Variants in ENOX1 observed in about 807,000 individuals in gnomAD.
ENOX1 encodes the protein candidate growth-related and time keeping constitutive hydroquinone (NADH) oxidase.
A neutral mutation model predicts 82.5 loss-of-function variants in ENOX1; 42 were observed. The observed-to-expected ratio is 0.51, with a 90% CI of 0.40 to 0.66. ENOX1 has a LOEUF of 0.66. Among genes scored for constraint, ENOX1 ranks in the 30% least tolerant of loss-of-function variants. ENOX1 has a pLI of 0.00. For missense variants in ENOX1, 608 were observed against 811.6 expected (o/e 0.75, Z 3.05); for synonymous variants, 271 against 282.2 (o/e 0.96, Z 0.40).
intron 2 of ENOX1, chr13:43,546,495 G>A (rs562007973): frequency 6.6e-6 from 1 of 152,328 alleles, no homozygotes; most frequent in East Asian, 1.9e-4. Context: ...GGTGGGAGGA[G>A]TTCCTATGTC....
intron 11 of ENOX1, among the ~76,000 whole-genome samples, chr13:43,315,662 C>T (rs1265697543): frequency 1.3e-5 from 2 of 152,084 alleles, no homozygotes; most frequent in Non-Finnish European, 2.9e-5. Flanking sequence ...CTAAGAGTGT[C>T]GATAAAATGA....
chr13:43,506,314 A>G (rs1384942727), intron 2 of ENOX1, among the ~76,000 whole-genome samples: 1 of 151,904 alleles, frequency 6.6e-6, no homozygotes, highest in African/African-American at 2.4e-5. Flanking sequence ...TAGAATGGCG[A>G]TCATTAAAAA....
At chr13:43,289,918 T>C (rs1780039378) in intron 12 of ENOX1, among the ~76,000 whole-genome samples, 1 of 151,976 alleles carries the variant, frequency 6.6e-6, no homozygotes, top group African/African-American at 2.4e-5. Context: ...ACAAGGCACA[T>C]GAACAGATAC....
chr13:43,712,126 A>G (rs574519553), intron 1 of ENOX1, among the ~76,000 whole-genome samples: 74 of 150,542 alleles, frequency 4.9e-4, no homozygotes, highest in African/African-American at 1.7e-3. Flanking sequence ...ATCCAGTTTC[A>G]GCTTTCTACA....
intron 1 of ENOX1, among the ~76,000 whole-genome samples, chr13:43,706,199 G>A (rs1354753097): frequency 6.6e-5 from 10 of 151,872 alleles, no homozygotes; most frequent in Admixed American, 5.9e-4. Context: ...AGTAAGAAAG[G>A]TTTAAAGTGA....
chr13:43,304,002 C>T (rs1210603868), intron 11 of ENOX1, among the ~76,000 whole-genome samples: 2 of 152,194 alleles, frequency 1.3e-5, no homozygotes, highest in Non-Finnish European at 2.9e-5. Flanking sequence ...GAACCACATG[C>T]TTGGCTTGTC....
intron 16 of ENOX1, among the ~76,000 whole-genome samples, chr13:43,222,304 C>T (rs531256074): frequency 7.2e-5 from 11 of 151,874 alleles, no homozygotes; most frequent in African/African-American, 2.2e-4. Context: ...AGCTTCTACC[C>T]GCCACCCCCT....
chr13:43,341,295 CAA>C (rs11386044), intron 9 of ENOX1, among the ~76,000 whole-genome samples: 1 of 140,068 alleles, frequency 7.1e-6, no homozygotes. Context: ...GACTCCATCT[CAA>C]AAAAAAAAAA....
chr13:43,331,710 C>T (rs2048417054), intron 9 of ENOX1, among the ~76,000 whole-genome samples: 1 of 152,148 alleles, frequency 6.6e-6, no homozygotes, highest in African/African-American at 2.4e-5. Context: ...TGGCTTTAGA[C>T]TGAAGAATTA....
intron 2 of ENOX1, among the ~76,000 whole-genome samples, chr13:43,652,642 G>A (rs2153778223): frequency 6.6e-6 from 1 of 152,302 alleles, no homozygotes; most frequent in South Asian, 2.1e-4. Context: ...CAAATAGTGT[G>A]TGAGAGCAGA....
chr13:43,452,354 G>C (rs893462960), intron 3 of ENOX1, among the ~76,000 whole-genome samples: 6 of 152,036 alleles, frequency 3.9e-5, no homozygotes, highest in African/African-American at 1.4e-4. Flanking sequence ...TCCCACTTAT[G>C]AGTAAAAACA....
chr13:43,733,750 C>T (rs2089467777), intron 1 of ENOX1, among the ~76,000 whole-genome samples: 1 of 152,112 alleles, frequency 6.6e-6, no homozygotes, highest in African/African-American at 2.4e-5. Context: ...TATTAAAGTC[C>T]TAACATCCAG....
intron 16 of ENOX1, among the ~76,000 whole-genome samples, chr13:43,217,804 C>T (rs1593388139): frequency 6.6e-6 from 1 of 152,318 alleles, no homozygotes; most frequent in Middle Eastern, 3.4e-3. Flanking sequence ...GCTGGCCTCT[C>T]CATATCCTAG....
At chr13:43,739,110 C>T (rs2089772145) in intron 1 of ENOX1, among the ~76,000 whole-genome samples, 1 of 152,204 alleles carries the variant, frequency 6.6e-6, no homozygotes, top group East Asian at 1.9e-4. Flanking sequence ...ACCATTTGTT[C>T]ACTAACAATC....
intron 1 of ENOX1, among the ~76,000 whole-genome samples, chr13:43,695,439 CTAA>C (rs1439232229): frequency 2.6e-5 from 3 of 114,068 alleles, no homozygotes; most frequent in Non-Finnish European, 5.1e-5. Context: ...TTAAAAAAAT[CTAA>C]TTTTTTTTTT....
chr13:43,404,294 C>T (rs1260494848), intron 5 of ENOX1, among the ~76,000 whole-genome samples: 1 of 152,170 alleles, frequency 6.6e-6, no homozygotes, highest in African/African-American at 2.4e-5. Flanking sequence ...GAGTTAAGCA[C>T]CAACCTGCCA....
chr13:43,466,397 C>T (rs1165061385), intron 3 of ENOX1, among the ~76,000 whole-genome samples: 2 of 151,992 alleles, frequency 1.3e-5, no homozygotes, highest in Non-Finnish European at 2.9e-5. Flanking sequence ...ATAAAAAATT[C>T]CTCATAAAAT....
intron 2 of ENOX1, among the ~76,000 whole-genome samples, chr13:43,543,403 ATT>A (rs1308731309): frequency 1.3e-5 from 2 of 152,082 alleles, no homozygotes; most frequent in Admixed American, 6.6e-5. Context: ...TTCATGAAAT[ATT>A]TTGTTTCACA....
At position 43,268,148 on chromosome 13, in the gene ENOX1, C is replaced by T. The variant is rs537673527; in HGVS notation, c.1554+1322G>A. ...GAAAAGAGAAATTCACCCCTCCCCACTCTAGTCAAAGCTATCTAAAAGAAA... is the reference window on the plus strand; with the variant it reads ...GAAAAGAGAAATTCACCCCTCCCCATTCTAGTCAAAGCTATCTAAAAGAAA... On this transcript the variant is annotated intron_variant, in intron 13 of 16. Coordinates refer to ENST00000690772, the MANE Select transcript of ENOX1 (RefSeq NM_001347969.2). Among the ~76,000 whole-genome samples, 8 of 152,258 alleles carry T rather than the reference C, an allele frequency of 5.3e-5. No individual in the cohort carries two copies. In the East Asian group the frequency reaches 9.6e-4, roughly 18 times the overall value.
Sources: allele counts gnomAD v4.1 joint callset (sites outside exome capture counted in the v4.1 genomes callset), GRCh38; gene constraint gnomAD v4.1.1; transcripts MANE v1.5; gene names NCBI Gene and HGNC (gene_info 2026-07-23, HGNC 2026-07-21).